Variants in CYP4A22 observed in about 807,000 individuals in gnomAD.
CYP4A22 encodes the protein cytochrome P450 4A22.
CYP4A22 carries 46 observed loss-of-function variants against 56.2 expected under a neutral mutation model. The observed-to-expected ratio is 0.82, with a 90% CI of 0.65 to 1.05. The LOEUF (loss-of-function observed/expected upper bound fraction) is 1.05. Among genes scored for constraint, CYP4A22 ranks in the 50% least tolerant of loss-of-function variants. The pLI, the probability that CYP4A22 is intolerant of heterozygous loss-of-function variation, is 0.00. For synonymous variants in CYP4A22, 193 were observed against 251.1 expected, an observed-to-expected ratio of 0.77 and a Z score of 2.19; for missense variants, 541 against 645.9, an observed-to-expected ratio of 0.84 and a Z score of 1.76.
chr1:47,147,344 A>T, intron 11 of CYP4A22: 1 of 984,960 alleles, frequency 1.0e-6, no homozygotes, highest in Non-Finnish European at 1.2e-6. Context: ...AGTGTATTTC[A>T]TTCTATTTTA....
intron 3 of CYP4A22, among the ~76,000 whole-genome samples, 194 bp from the exon 4 acceptor site, chr1:47,141,914 G>C (rs1242601000): frequency 2.0e-5 from 3 of 152,124 alleles, no homozygotes; most frequent in Non-Finnish European, 4.4e-5. Context: ...TAATCACATG[G>C]ATGTAGCAGC....
At chr1:47,139,557 C>T (rs919724606) in intron 1 of CYP4A22, among the ~76,000 whole-genome samples, 6 of 152,188 alleles carry the variant, frequency 3.9e-5, no homozygotes, top group Non-Finnish European at 7.4e-5. Flanking sequence ...ACTGAAAATT[C>T]CACACAGATA....
intron 1 of CYP4A22, among the ~76,000 whole-genome samples, chr1:47,138,632 T>C (rs1246543738): frequency 2.0e-5 from 3 of 152,220 alleles, no homozygotes; most frequent in Non-Finnish European, 4.4e-5. Flanking sequence ...TATTTTGCAA[T>C]TTTTTTGAGC....
At chr1:47,146,411 A>C in intron 11 of CYP4A22, 1 of 1,364,560 alleles carries the variant, frequency 7.3e-7, no homozygotes, top group Non-Finnish European at 9.5e-7. Flanking sequence ...TGCATGTTCC[A>C]AACTTCAGTA....
chr1:47,138,845 G>A (rs1222859482), intron 1 of CYP4A22, among the ~76,000 whole-genome samples: 1 of 152,180 alleles, frequency 6.6e-6, no homozygotes, highest in Admixed American at 6.5e-5. Context: ...GAGAGGGGCG[G>A]GTAGGAACAG....
In CYP4A22 at chr1:47,148,692, C is replaced by G; in HGVS notation, c.1455C>G (p.Thr485=). 1.1e-5 allele frequency: 18 copies of G among 1,614,142 alleles called. No homozygotes were observed. Among genetic ancestry groups the G allele is most frequent in the Non-Finnish European group, 1.5e-5 (18 of 1,180,000 alleles). Residue 485 remains threonine (T), a synonymous_variant, in exon 12 of 12, where the codon ACC becomes ACG. Coordinates refer to ENST00000371891, the MANE Select transcript of CYP4A22 (RefSeq NM_001010969.4). The part of the protein sequence containing the change: ...LLRFELLPDP[T]RIPIPMARLV... ...GCTTTGAGCTGCTGCCTGATCCCACCAGGATCCCCATCCCCATGGCACGAC... is the reference window on the plus strand; with the variant it reads ...GCTTTGAGCTGCTGCCTGATCCCACGAGGATCCCCATCCCCATGGCACGAC...
intron 11 of CYP4A22, chr1:47,147,474 G>C: frequency 2.1e-6 from 2 of 958,066 alleles, no homozygotes; most frequent in Non-Finnish European, 2.5e-6. Flanking sequence ...AAAATGTGTT[G>C]TACAGAAATA....
Position 47,149,525 on chromosome 1 carries a change from T to G in CYP4A22, c.*728T>G, listed in dbSNP as rs1457063049. ...TCTCTCTCAAACTGTCTTTTCTCAT[T>G]CCTTTGACTCTGCCGGACTTTGTCA... On this transcript the variant is annotated 3_prime_UTR_variant, in exon 12 of 12. Coordinates refer to ENST00000371891, the MANE Select transcript of CYP4A22 (RefSeq NM_001010969.4). The G allele has an allele frequency of 6.6e-6, 1 of 152,064 alleles. No individual in the cohort carries two copies. Among genetic ancestry groups the G allele is most frequent in the East Asian group, 1.9e-4 (1 of 5,176 alleles). The allele number at this position is 152,064 out of a possible 1,614,324, so 9.4% of individuals were successfully genotyped here.
In CYP4A22 at chr1:47,137,781, C is replaced by T. The variant is rs564940530; in HGVS notation, c.195+101C>T. The T allele has an allele frequency of 2.1e-4, 304 of 1,459,976 alleles. No homozygotes were observed. The East Asian group carries it at 6.0e-3, about 29-fold the overall frequency. The allele number at this position is 1,459,976 out of a possible 1,614,324, so 90.4% of individuals were successfully genotyped here. Reference sequence around the variant, plus strand: ...GAGCAAAGCCTTGTTTTGTAACAAACGTGAGGCCTCATAGGAACACCCAGC... The same window carrying T: ...GAGCAAAGCCTTGTTTTGTAACAAATGTGAGGCCTCATAGGAACACCCAGC... On this transcript the variant is annotated intron_variant, in intron 1 of 11. Coordinates refer to ENST00000371891, the MANE Select transcript of CYP4A22 (RefSeq NM_001010969.4).
Position 47,137,444 on chromosome 1 carries a change from G to C in CYP4A22, c.-42G>C. On this transcript the variant is annotated 5_prime_UTR_variant, in exon 1 of 12. Transcript: ENST00000371891. Reference sequence around the variant, plus strand: ...AAGCACAGGTGGACAGGGGTGGTCAGAGAGAGGAAGGGGCACTCAGAGATC... The same window carrying C: ...AAGCACAGGTGGACAGGGGTGGTCACAGAGAGGAAGGGGCACTCAGAGATC... 1 of 1,579,832 alleles carries C rather than the reference G, an allele frequency of 6.3e-7. No homozygotes were observed. Among genetic ancestry groups the C allele is most frequent in the Non-Finnish European group, 8.6e-7 (1 of 1,162,068 alleles).
At chr1:47,139,105 C>G (rs1389195488) in intron 1 of CYP4A22, among the ~76,000 whole-genome samples, 3 of 152,256 alleles carry the variant, frequency 2.0e-5, no homozygotes, top group Non-Finnish European at 4.4e-5. Context: ...TACCTCACTA[C>G]CTGCCTCTGC....
At position 47,141,587 on chromosome 1, in the gene CYP4A22, A is replaced by T. The variant is rs2758718; in HGVS notation, c.354A>T (p.Gly118=). The change falls in exon 3 of 12, where the codon GGA becomes GGT. Residue 118 remains glycine, a synonymous_variant. Transcript: ENST00000371891. The part of the protein sequence containing the change: ...ILGRSDPKSH[G]SYKFLAPRIG... ...ACTTTTCAGACCCGAAATCCCATGGATCCTACAAATTCCTGGCTCCACGGA... is the reference window on the plus strand; with the variant it reads ...ACTTTTCAGACCCGAAATCCCATGGTTCCTACAAATTCCTGGCTCCACGGA... 5.6e-6 allele frequency: 9 copies of T among 1,613,632 alleles called. No homozygotes were observed. The Admixed American group carries it at 1.3e-4, about 24-fold the overall frequency.
intron 1 of CYP4A22, among the ~76,000 whole-genome samples, chr1:47,139,590 G>A (rs190602515): frequency 9.2e-5 from 14 of 152,266 alleles, no homozygotes; most frequent in African/African-American, 3.1e-4. Context: ...GTGTCCTAAC[G>A]CAGTGCCTGA....
intron 2 of CYP4A22, 108 bp from the exon 3 acceptor site, chr1:47,141,463 T>G (rs1486197075): frequency 7.9e-7 from 1 of 1,264,054 alleles, no homozygotes; most frequent in Non-Finnish European, 1.1e-6. Context: ...AAGTGGGAGG[T>G]GACATGGGTC....
intron 11 of CYP4A22, chr1:47,147,066 T>C (rs1232950952): frequency 6.1e-6 from 6 of 985,372 alleles, no homozygotes; most frequent in Non-Finnish European, 7.2e-6. Context: ...GGAATCGTCC[T>C]GTGACATACA....
Position 47,144,602 on chromosome 1 carries a change from C to A in CYP4A22, c.950C>A (p.Thr317Lys), listed in dbSNP as rs768112609. Residue 317 changes from threonine to lysine, a missense_variant, in exon 8 of 12, where the codon ACG becomes AAG. Thr to Lys is a moderately conservative substitution (Grantham distance 78, BLOSUM62 -1). Transcript: ENST00000371891. ...SDKDLRAEVDTFMFEGHDTTA... is the reference protein window; with the variant it reads ...SDKDLRAEVDKFMFEGHDTTA... ...AAGGACCTCCGTGCTGAGGTGGACA[C>A]GTTCATGTTTGAGGGCCACGACACC... is the stretch of plus-strand genomic sequence containing the variant. 4.3e-6 allele frequency: 7 copies of A among 1,613,916 alleles called. No homozygotes were observed. The South Asian group carries it at 7.7e-5, about 18-fold the overall frequency.
At chr1:47,147,891 A>G (rs1303174563) in intron 11 of CYP4A22, among the ~76,000 whole-genome samples, 2 of 152,144 alleles carry the variant, frequency 1.3e-5, no homozygotes, top group African/African-American at 4.8e-5. Flanking sequence ...CTGTGGCTTC[A>G]GTGTGCAGGG....
Position 47,149,426 on chromosome 1 carries a change from A to G in CYP4A22, c.*629A>G, listed in dbSNP as rs572532066. On this transcript the variant is annotated 3_prime_UTR_variant, in exon 12 of 12. Coordinates refer to ENST00000371891, the MANE Select transcript of CYP4A22 (RefSeq NM_001010969.4). Reference sequence around the variant, plus strand: ...CACCTGTTTCTTTGTTTGATCACCAATAAATAATCTGCACTTCCAGAGCTC... The same window carrying G: ...CACCTGTTTCTTTGTTTGATCACCAGTAAATAATCTGCACTTCCAGAGCTC... The G allele has an allele frequency of 1.4e-4, 22 of 152,786 alleles. No individual in the cohort carries two copies. Among genetic ancestry groups the G allele is most frequent in the African/African-American group, 5.1e-4 (21 of 41,584 alleles). 9.5% of individuals were successfully genotyped at this position (152,786 alleles called of 1,614,324 possible).
At chr1:47,148,154 G>T (rs887803905) in intron 11 of CYP4A22, among the ~76,000 whole-genome samples, 5 of 152,204 alleles carry the variant, frequency 3.3e-5, no homozygotes, top group African/African-American at 1.2e-4. Flanking sequence ...TGAGGATTCA[G>T]GTCCCTGTGT....
Sources: allele counts gnomAD v4.1 joint callset (sites outside exome capture counted in the v4.1 genomes callset), GRCh38; gene constraint gnomAD v4.1.1; transcripts MANE v1.5; gene names NCBI Gene and HGNC (gene_info 2026-07-23, HGNC 2026-07-21).